Variants in ADGRV1 observed in about 807,000 individuals in gnomAD.
ADGRV1 encodes adhesion G protein-coupled receptor V1.
Under a neutral mutation model 596.2 loss-of-function variants are expected in ADGRV1, and 359 were observed. The ratio of observed to expected loss-of-function variants is 0.60; its 90% confidence interval spans 0.55 to 0.66. The LOEUF is 0.66. Among genes scored for constraint, ADGRV1 ranks in the 30% least tolerant of loss-of-function variants. The pLI, the probability that ADGRV1 is intolerant of heterozygous loss-of-function variation, is 0.00. For missense variants in ADGRV1, 7,274 were observed against 7,575.6 expected (o/e 0.96, Z 1.48); for synonymous variants, 2,681 against 2,679.2 (o/e 1.00, Z -0.02).
intron 70 of ADGRV1, 82 bp from the exon 71 acceptor site, chr5:90,802,657 G>C: frequency 5.5e-6 from 7 of 1,278,910 alleles, no homozygotes; most frequent in Non-Finnish European, 7.7e-6. Flanking sequence ...GCAACCTCAG[G>C]CATTATGCTA....
At chr5:90,931,574 A>G (rs1184152475) in intron 83 of ADGRV1, among the ~76,000 whole-genome samples, 3 of 152,230 alleles carry the variant, frequency 2.0e-5, no homozygotes, top group African/African-American at 7.2e-5. Flanking sequence ...ATATTTTTAA[A>G]AATCACAAAT....
chr5:90,833,251 C>T (rs556716594), intron 77 of ADGRV1, among the ~76,000 whole-genome samples: 2 of 151,860 alleles, frequency 1.3e-5, no homozygotes, highest in Admixed American at 6.6e-5. Context: ...CATTTTTGTG[C>T]CTTCTTCAAT....
At chr5:90,594,838 A>C (rs914444688) in intron 1 of ADGRV1, among the ~76,000 whole-genome samples, 2 of 150,534 alleles carry the variant, frequency 1.3e-5, no homozygotes, top group African/African-American at 4.9e-5. Context: ...AGGCAGAAGA[A>C]TTTTTCTTAG....
intron 9 of ADGRV1, among the ~76,000 whole-genome samples, chr5:90,631,327 G>A (rs566551508): frequency 2.4e-4 from 37 of 152,102 alleles, no homozygotes; most frequent in South Asian, 1.0e-3. Context: ...GAAGACTCCC[G>A]CGTTTTTTTA....
At chr5:90,971,873 G>A (rs1779059476) in intron 84 of ADGRV1, among the ~76,000 whole-genome samples, 1 of 152,120 alleles carries the variant, frequency 6.6e-6, no homozygotes, top group African/African-American at 2.4e-5. Context: ...AATGTAAATG[G>A]GCTAAATGCT....
Position 90,790,927 on chromosome 5 carries a change from A to C in ADGRV1, c.14098A>C (p.Ser4700Arg). The C allele has an allele frequency of 6.2e-7, 1 of 1,612,260 alleles. No individual in the cohort carries two copies. Among genetic ancestry groups the C allele is most frequent in the Non-Finnish European group, 8.5e-7 (1 of 1,179,782 alleles). The change falls in exon 70 of 90, where the codon AGT (serine) becomes CGT (arginine). Residue 4700 changes from serine to arginine, a missense_variant. By Grantham distance (110) the Ser-to-Arg change is moderately radical. Coordinates refer to ENST00000405460, the MANE Select transcript of ADGRV1 (RefSeq NM_032119.4). ...CATTACTGAAGACTTTCTTTCCACC[A>C]GTGGATTTTTCACCATTGCTGATGG... is the stretch of plus-strand genomic sequence containing the variant. ...FDITEDFLST[S>R]GFFTIADGES...
At chr5:91,086,306 C>G (rs1168172046) in intron 86 of ADGRV1, among the ~76,000 whole-genome samples, 3 of 152,208 alleles carry the variant, frequency 2.0e-5, no homozygotes, top group East Asian at 1.9e-4. Context: ...TTGGGTTTCT[C>G]TCTGATCGCT....
At chr5:90,705,606 G>A (rs756413986) in intron 37 of ADGRV1, 27 bp downstream of exon 37, 6 of 1,584,112 alleles carry the variant, frequency 3.8e-6, no homozygotes, top group Admixed American at 1.7e-5. Flanking sequence ...AATGAATGGG[G>A]TTTCCAGGCA....
At chr5:90,992,950 T>G (rs1194054467) in intron 85 of ADGRV1, among the ~76,000 whole-genome samples, 1 of 152,116 alleles carries the variant, frequency 6.6e-6, no homozygotes, top group East Asian at 1.9e-4. Context: ...CATACATACT[T>G]ACATAATTAT....
chr5:90,572,469 C>G (rs941413553), intron 1 of ADGRV1, among the ~76,000 whole-genome samples: 7 of 152,030 alleles, frequency 4.6e-5, no homozygotes, highest in Non-Finnish European at 8.8e-5. Context: ...TGAACTGGTA[C>G]GAAAGCAGAA....
intron 85 of ADGRV1, among the ~76,000 whole-genome samples, chr5:90,999,836 C>A (rs1170957102): frequency 6.6e-6 from 1 of 151,958 alleles, no homozygotes; most frequent in Non-Finnish European, 1.5e-5. Flanking sequence ...AAGGGAATAC[C>A]TGCAAATGTA....
chr5:90,859,873 A>T (rs1327493923), intron 82 of ADGRV1, among the ~76,000 whole-genome samples: 1 of 151,208 alleles, frequency 6.6e-6, no homozygotes, highest in Non-Finnish European at 1.5e-5. Flanking sequence ...GGAGGCCAGG[A>T]GTTCGAGACC....
chr5:90,916,359 T>C (rs954055222), intron 83 of ADGRV1, among the ~76,000 whole-genome samples: 6 of 152,132 alleles, frequency 3.9e-5, no homozygotes, highest in African/African-American at 1.4e-4. Flanking sequence ...ATTACAATGT[T>C]TTATAAATCT....
chr5:91,005,754 C>T (rs2151123713), intron 85 of ADGRV1, among the ~76,000 whole-genome samples: 1 of 152,244 alleles, frequency 6.6e-6, no homozygotes. Flanking sequence ...TCTCTCCTGT[C>T]CATTCTTATT....
Position 90,774,262 on chromosome 5 carries a change from A to G in ADGRV1, c.12362A>G (p.Gln4121Arg). 1 of 1,607,140 alleles carries G rather than the reference A, an allele frequency of 6.2e-7. No homozygotes were observed. Among genetic ancestry groups the G allele is most frequent in the Non-Finnish European group, 8.5e-7 (1 of 1,173,878 alleles). The change falls in exon 60 of 90, where the codon CAG becomes CGG. Residue 4121 changes from glutamine (Q) to arginine (R), a missense_variant. Coordinates refer to ENST00000405460, the MANE Select transcript of ADGRV1 (RefSeq NM_032119.4). ...VLEEDRRFTI[Q>R]LISIDEVEIS... ...GAGGAGGACAGGCGTTTCACCATTC[A>G]GCTGATATCAATTGATGAGGTAGAA...
chr5:90,829,855 T>C (rs1431536765), intron 77 of ADGRV1, among the ~76,000 whole-genome samples: 1 of 152,142 alleles, frequency 6.6e-6, no homozygotes, highest in Non-Finnish European at 1.5e-5. Context: ...GAAGTATGAT[T>C]GTTAGGATCA....
chr5:91,102,135 A>G (rs1481694373), intron 86 of ADGRV1, 84 bp from the exon 87 acceptor site: 2 of 1,338,366 alleles, frequency 1.5e-6, no homozygotes, highest in Non-Finnish European at 2.0e-6. Context: ...CTAGAATACC[A>G]CAGAAAGAAG....
Position 90,851,123 on chromosome 5 carries a change from G to GTA in ADGRV1, c.17205-2160_17205-2159insAT, listed in dbSNP as rs1232155308. Among the ~76,000 whole-genome samples, 946 of 106,070 alleles carry GTA rather than the reference G, an allele frequency of 8.9e-3. 15 individuals carry two copies. Among genetic ancestry groups the GTA allele is most frequent in the African/African-American group, 0.03 (892 of 29,480 alleles). 69.6% of individuals were successfully genotyped at this position (106,070 alleles called of 152,430 possible). ...GTAGGGTGTGTGTGTGTGTGTGTGT[G>GTA]TGTGTGTGTGTGAGAGAGAGAGAGA... On this transcript the variant is annotated intron_variant, in intron 79 of 89. Transcript: ENST00000405460.
chr5:90,705,119 A>G (rs1414224423), intron 36 of ADGRV1, among the ~76,000 whole-genome samples: 1 of 152,098 alleles, frequency 6.6e-6, no homozygotes, highest in Non-Finnish European at 1.5e-5. Context: ...AAATTGAGTC[A>G]TTTTTAAGCA....
Sources: allele counts gnomAD v4.1 joint callset (sites outside exome capture counted in the v4.1 genomes callset), GRCh38; gene constraint gnomAD v4.1.1; transcripts MANE v1.5; gene names NCBI Gene and HGNC (gene_info 2026-07-23, HGNC 2026-07-21).